ASAP1: variants seen among roughly 807,000 people sequenced by gnomAD.
ASAP1 encodes the protein arf-GAP with SH3 domain, ANK repeat and PH domain-containing protein 1.
Under a neutral mutation model 145.2 loss-of-function variants are expected in ASAP1, and 43 were observed. That is an observed-to-expected ratio of 0.30 (90% CI 0.23 to 0.38). ASAP1 has a LOEUF of 0.38. Among genes scored for constraint, ASAP1 ranks in the 10% least tolerant of loss-of-function variants. The probability of loss-of-function intolerance (pLI) is 1.00; values close to 1 mark genes in which losing one functional copy is unlikely to be tolerated. For missense variants in ASAP1, 1,018 were observed against 1,355.3 expected, an observed-to-expected ratio of 0.75 and a Z score of 3.91; for synonymous variants, 546 against 515.5, an observed-to-expected ratio of 1.06 and a Z score of -0.80.
At chr8:130,203,169 G>A (rs1815980748) in intron 5 of ASAP1, among the ~76,000 whole-genome samples, 1 of 151,660 alleles carries the variant, frequency 6.6e-6, no homozygotes, top group Admixed American at 6.6e-5. Flanking sequence ...TTCTGAAGTG[G>A]TTCCATGAAA....
chr8:130,103,204 T>C (rs1592805539), intron 24 of ASAP1, among the ~76,000 whole-genome samples: 2 of 152,290 alleles, frequency 1.3e-5, no homozygotes, highest in South Asian at 4.1e-4. Context: ...TGGCCTATCA[T>C]TATTTATAAT....
At chr8:130,066,732 G>A (rs1176655197) in intron 27 of ASAP1, among the ~76,000 whole-genome samples, 6 of 152,168 alleles carry the variant, frequency 3.9e-5, no homozygotes, top group Non-Finnish European at 8.8e-5. Flanking sequence ...GGCATGGGCA[G>A]TCATAGCACA....
chr8:130,212,503 C>T lies in ASAP1; in HGVS notation c.405+2053G>A, dbSNP rs373120415. 7.2e-5 allele frequency among the ~76,000 whole-genome samples: 11 copies of T among 152,224 alleles called. No homozygotes were observed. In the East Asian group the frequency reaches 9.7e-4, roughly 13 times the overall value. ...AGAGCAAAGGCAACGGGTTCAGAGA[C>T]AGAATGTTTGGGTTCAAGTCTGTAA... On this transcript the variant is annotated intron_variant, in intron 5 of 29. Transcript: ENST00000518721.
chr8:130,081,839 A>G (rs948735656), intron 25 of ASAP1, among the ~76,000 whole-genome samples: 1 of 152,240 alleles, frequency 6.6e-6, no homozygotes, highest in Non-Finnish European at 1.5e-5. Flanking sequence ...CATTATTAAC[A>G]GCAACGACCG....
intron 1 of ASAP1, among the ~76,000 whole-genome samples, chr8:130,426,011 A>G (rs1829902670): frequency 6.6e-6 from 1 of 152,174 alleles, no homozygotes; most frequent in Non-Finnish European, 1.5e-5. Context: ...ACTGCTTGAT[A>G]TGGTTTGGAT....
chr8:130,209,795 C>CTT (rs112660745), intron 5 of ASAP1, among the ~76,000 whole-genome samples: 54 of 151,056 alleles, frequency 3.6e-4, no homozygotes, highest in African/African-American at 1.2e-3. Flanking sequence ...AGTGGAACAC[C>CTT]TTTTTTTTTG....
intron 12 of ASAP1, among the ~76,000 whole-genome samples, chr8:130,154,858 A>G (rs139153308): frequency 2.1e-3 from 314 of 152,334 alleles, no homozygotes; most frequent in African/African-American, 7.3e-3. Flanking sequence ...CCATCCTCAA[A>G]TAAGAGCTAA....
Position 130,170,014 on chromosome 8 carries a change from T to C in ASAP1, c.747-947A>G, listed in dbSNP as rs370811484. 1.1e-4 allele frequency among the ~76,000 whole-genome samples: 16 copies of C among 152,184 alleles called. No homozygotes were observed. In the East Asian group the frequency reaches 1.7e-3, roughly 16 times the overall value. ...CGTGTTTAGAATTTTCTCTGCCCTA[T>C]TGGAAGCTTCTCTAACCATGTCCCT... On this transcript the variant is annotated intron_variant, in intron 9 of 29. Transcript: ENST00000518721.
chr8:130,081,032 G>A (rs115589423), intron 25 of ASAP1, among the ~76,000 whole-genome samples: 14 of 152,366 alleles, frequency 9.2e-5, no homozygotes, highest in African/African-American at 3.1e-4. Context: ...CAGAGCTTAT[G>A]CTCTGGCCTG....
intron 1 of ASAP1, among the ~76,000 whole-genome samples, chr8:130,437,300 G>C (rs1157627042): frequency 1.3e-5 from 2 of 152,130 alleles, no homozygotes; most frequent in Admixed American, 6.5e-5. Flanking sequence ...TCCCCTTCAA[G>C]ATGCCCCAGC....
chr8:130,359,120 G>T (rs1826568322), intron 2 of ASAP1, among the ~76,000 whole-genome samples: 1 of 152,204 alleles, frequency 6.6e-6, no homozygotes, highest in Non-Finnish European at 1.5e-5. Context: ...CTGGTTTTGT[G>T]CAGTTGCCTT....
intron 3 of ASAP1, among the ~76,000 whole-genome samples, chr8:130,324,656 G>T (rs755364318): frequency 2.0e-5 from 3 of 152,100 alleles, no homozygotes; most frequent in Non-Finnish European, 4.4e-5. Flanking sequence ...AGCATAATTC[G>T]TAAAATCCAT....
At chr8:130,384,785 T>A (rs1827936202) in intron 2 of ASAP1, among the ~76,000 whole-genome samples, 1 of 152,192 alleles carries the variant, frequency 6.6e-6, no homozygotes, top group Non-Finnish European at 1.5e-5. Flanking sequence ...ACACTTCACA[T>A]CCCTCAATGA....
In ASAP1 at chr8:130,321,368, C is replaced by T. The variant is rs115854423; in HGVS notation, c.186+36649G>A. On this transcript the variant is annotated intron_variant, in intron 3 of 29. Coordinates refer to ENST00000518721, the MANE Select transcript of ASAP1 (RefSeq NM_018482.4). ...TACACATGAGGGTCTGGTTCAGCAC[C>T]AAAGATTCCAAAGGGCAAGAAGAAG... is the stretch of plus-strand genomic sequence containing the variant. Among the ~76,000 whole-genome samples, 932 of 152,026 alleles carry T rather than the reference C, an allele frequency of 6.1e-3. 5 individuals are homozygous for T. Among genetic ancestry groups the T allele is most frequent in the African/African-American group, 0.021 (871 of 41,444 alleles).
intron 3 of ASAP1, among the ~76,000 whole-genome samples, chr8:130,265,733 C>T (rs1276738261): frequency 3.3e-5 from 5 of 152,030 alleles, no homozygotes; most frequent in African/African-American, 1.2e-4. Flanking sequence ...AAAAAGTAGC[C>T]AGGTGAGGTG....
chr8:130,107,186 T>C (rs1046987391), intron 24 of ASAP1, among the ~76,000 whole-genome samples: 25 of 140,934 alleles, frequency 1.8e-4, no homozygotes, highest in African/African-American at 3.9e-4. Context: ...TCTTCTTCTT[T>C]TTTTTTTTTT....
chr8:130,394,573 T>C (rs565202125), intron 2 of ASAP1, among the ~76,000 whole-genome samples: 2 of 152,332 alleles, frequency 1.3e-5, no homozygotes, highest in Admixed American at 6.5e-5. Context: ...TTGTAAAGTA[T>C]GCGATCTCTG....
At chr8:130,418,883 TCTCAATCC>T (rs1829599642) in intron 1 of ASAP1, among the ~76,000 whole-genome samples, 1 of 151,964 alleles carries the variant, frequency 6.6e-6, no homozygotes. Flanking sequence ...TGGAGTGAAG[TCTCAATCC>T]CTGGAATCAC....
chr8:130,382,104 G>A (rs1490606358), intron 2 of ASAP1, among the ~76,000 whole-genome samples: 2 of 151,942 alleles, frequency 1.3e-5, no homozygotes. Flanking sequence ...GGCTAACACG[G>A]TGAAACCCCG....
Sources: gnomAD v4.1 joint callset for allele counts (sites outside exome capture counted in the v4.1 genomes callset) on GRCh38, gnomAD v4.1.1 for gene constraint, MANE v1.5 for transcripts, NCBI Gene and HGNC (gene_info 2026-07-23, HGNC 2026-07-21) for gene names.